AP5Z1: variants seen among roughly 807,000 people sequenced by gnomAD.
AP5Z1 encodes the protein adaptor related protein complex 5 subunit zeta 1.
In AP5Z1, 106 loss-of-function variants were observed where a neutral mutation model predicts 83.0. The ratio of observed to expected loss-of-function variants is 1.28; its 90% CI spans 1.09 to 1.50. The LOEUF is 1.50. Among genes scored for constraint, AP5Z1 ranks in the 40% most tolerant of loss-of-function variants. The probability of loss-of-function intolerance (pLI) is 0.00; values close to 1 mark genes in which losing one functional copy is unlikely to be tolerated. For synonymous variants in AP5Z1, 751 were observed against 514.1 expected (o/e 1.46, Z -6.23); for missense variants, 1,565 against 1,094.2 (o/e 1.43, Z -6.07).
In AP5Z1 at chr7:4,775,659, C is replaced by T. The variant is rs1008740869; in HGVS notation, c.-57C>T. ...GGAAGTTGACCGGGGTGCGGAGCTC[C>T]TGGGCTGCAGCTCCTGGAGTTTCCG... On this transcript the variant is annotated 5_prime_UTR_variant, in exon 1 of 17. Coordinates refer to ENST00000649063, the MANE Select transcript of AP5Z1 (RefSeq NM_014855.3). 1.6e-5 allele frequency: 26 copies of T among 1,601,940 alleles called. No homozygotes were observed. In the African/African-American group the frequency reaches 2.1e-4, roughly 13 times the overall value.
chr7:4,793,613 C>CCT lies in AP5Z1; in HGVS notation c.*2228_*2229insCT, dbSNP rs61623336. 0.089 allele frequency: 13,563 copies of CCT among 152,314 alleles called. 747 individuals carry two copies. The highest frequency in any genetic ancestry group is 0.19 in the South Asian group (898 of 4,834). The allele number at this position is 152,314 out of a possible 1,614,324, so 9.4% of individuals were successfully genotyped here. On this transcript the variant is annotated 3_prime_UTR_variant, in exon 17 of 17. Coordinates refer to ENST00000649063, the MANE Select transcript of AP5Z1 (RefSeq NM_014855.3). ...GGGTGGGCGTGGGCTCTGTGGGCCC[C>CCT]GCACTCGGAGCCGCCGGCTAGCCCC...
At position 4,788,850 on chromosome 7, in the gene AP5Z1, C is replaced by G. The variant is rs762360022; in HGVS notation, c.1606C>G (p.Leu536Val). ...ACACTGTGTCCTCAGGTTGGCGCCA[C>G]TCCACCAGCTGCTGCAGCCCATGGC... ...ASGATERLAP[L>V]HQLLQPMAGC... is the part of the protein sequence containing the mutation. Residue 536 changes from leucine to valine, a missense_variant, in exon 13 of 17, where the codon CTC becomes GTC. Leu to Val is a conservative substitution (Grantham distance 32). Transcript: ENST00000649063. The G allele has an allele frequency of 2.5e-6, 4 of 1,606,878 alleles. No homozygotes were observed. The African/African-American group carries it at 5.3e-5, about 21-fold the overall frequency.
intron 11 of AP5Z1, 60 bp from the exon 12 acceptor site, chr7:4,788,094 G>A: frequency 6.8e-7 from 1 of 1,462,018 alleles, no homozygotes; most frequent in South Asian, 1.4e-5. Flanking sequence ...CTCCCTGACG[G>A]GGGTGCCCTT....
intron 6 of AP5Z1, 85 bp downstream of exon 6, chr7:4,784,456 G>A (rs909616329): frequency 2.8e-6 from 4 of 1,440,046 alleles, no homozygotes; most frequent in Non-Finnish European, 3.7e-6. Flanking sequence ...GGGCGGAGGT[G>A]GGGGGACTCG....
intron 1 of AP5Z1, among the ~76,000 whole-genome samples, chr7:4,779,352 G>A (rs1354273734): frequency 7.2e-6 from 1 of 139,666 alleles, no homozygotes; most frequent in African/African-American, 2.9e-5. Flanking sequence ...CATATAACAT[G>A]TTATATATCA....
rs886379275 is a variant in AP5Z1, at chr7:4,791,712, G to A, written c.*327G>A. On this transcript the variant is annotated 3_prime_UTR_variant, in exon 17 of 17. Transcript: ENST00000649063. ...CCTAGTCTTTTGTTTTTGGACAGTT[G>A]ATGGGCAAGAAGAGCTGCAGTAAAA... The A allele has an allele frequency of 9.5e-6, 4 of 419,104 alleles. No homozygotes were observed. The highest frequency in any genetic ancestry group is 8.0e-5 in the African/African-American group (4 of 50,228). 26.0% of individuals were successfully genotyped at this position (419,104 alleles called of 1,614,324 possible).
At position 4,777,124 on chromosome 7, in the gene AP5Z1, C is replaced by T. The variant is rs1781249675; in HGVS notation, c.41+1368C>T. 2.0e-5 allele frequency among the ~76,000 whole-genome samples: 3 copies of T among 152,154 alleles called. No individual in the cohort carries two copies. The South Asian group carries it at 6.2e-4, about 32-fold the overall frequency. On this transcript the variant is annotated intron_variant, in intron 1 of 16. Coordinates refer to ENST00000649063, the MANE Select transcript of AP5Z1 (RefSeq NM_014855.3). ...CTTGGTGAATATGCAGCACCATCTC[C>T]CAGCAGCTCAACATAGGCAACCTTC...
Position 4,786,291 on chromosome 7 carries a change from C to G in AP5Z1, c.1174C>G (p.Leu392Val). Residue 392 changes from leucine to valine, a missense_variant, in exon 10 of 17, where the codon CTG becomes GTG. Physicochemically the swap from Leu to Val is conservative, Grantham distance 32. Coordinates refer to ENST00000649063, the MANE Select transcript of AP5Z1 (RefSeq NM_014855.3). ...GGACTCGGAAGCCGTCTACCAGCAC[C>G]TGTTCACCAGGATCCCGGTGGAGCA... ...AVDSEAVYQH[L>V]FTRIPVEQFH... The G allele has an allele frequency of 6.2e-7, 1 of 1,613,420 alleles. No homozygotes were observed. Among genetic ancestry groups the G allele is most frequent in the Non-Finnish European group, 8.5e-7 (1 of 1,179,604 alleles).
chr7:4,787,799 G>A, intron 11 of AP5Z1, 23 bp downstream of exon 11: 2 of 1,513,446 alleles, frequency 1.3e-6, no homozygotes, highest in Non-Finnish European at 1.8e-6. Context: ...CCCTCTGCCA[G>A]CGCTGCGTCT....
chr7:4,779,040 A>G (rs1467804307), intron 1 of AP5Z1, among the ~76,000 whole-genome samples: 3 of 145,440 alleles, frequency 2.1e-5, no homozygotes, highest in African/African-American at 7.5e-5. Context: ...CAAAAAATAT[A>G]TATATAGATA....
chr7:4,786,938 T>G (rs1400652356), intron 10 of AP5Z1, among the ~76,000 whole-genome samples: 1 of 151,990 alleles, frequency 6.6e-6, no homozygotes, highest in East Asian at 2.0e-4. Context: ...GTCCAGCTAA[T>G]TTTTGGTATT....
intron 1 of AP5Z1, among the ~76,000 whole-genome samples, chr7:4,776,492 G>T (rs1461075911): frequency 6.6e-6 from 1 of 151,610 alleles, no homozygotes; most frequent in Non-Finnish European, 1.5e-5. Flanking sequence ...CAAGGCAGGC[G>T]GATCACCTGA....
intron 3 of AP5Z1, 80 bp downstream of exon 3, chr7:4,781,834 A>T: frequency 7.1e-7 from 1 of 1,417,602 alleles, no homozygotes; most frequent in South Asian, 1.6e-5. Flanking sequence ...CAGGGGCGCC[A>T]GAGCCGGCAG....
chr7:4,788,388 C>T (rs931389101), intron 12 of AP5Z1, 94 bp downstream of exon 12: 2 of 1,389,876 alleles, frequency 1.4e-6, no homozygotes, highest in African/African-American at 2.9e-5. Context: ...TAGGCTGAGG[C>T]CAGGGTGCTT....
rs911757798 is a variant in AP5Z1, at chr7:4,775,664, C to G, written c.-52C>G. 4 of 1,603,338 alleles carry G rather than the reference C, an allele frequency of 2.5e-6. No homozygotes were observed. Among genetic ancestry groups the G allele is most frequent in the Non-Finnish European group, 3.4e-6 (4 of 1,178,980 alleles). ...TTGACCGGGGTGCGGAGCTCCTGGG[C>G]TGCAGCTCCTGGAGTTTCCGAGGTT... On this transcript the variant is annotated 5_prime_UTR_variant, in exon 1 of 17. Transcript: ENST00000649063.
chr7:4,787,688 G>T lies in AP5Z1; in HGVS notation c.1366G>T (p.Ala456Ser). 1 of 1,552,620 alleles carries T rather than the reference G, an allele frequency of 6.4e-7. No individual in the cohort carries two copies. The stretch of plus-strand genomic sequence containing the variant: ...CTCCGAGTTTGTGGCGCTCCTCCCG[G>T]CCCTGGTGGACGCTGGCACAGCCCT... ...LTSEFVALLP[A>S]LVDAGTALEM... The change falls in exon 11 of 17, where the codon GCC (alanine) becomes TCC (serine). Residue 456 changes from alanine (A) to serine (S), a missense_variant. Transcript: ENST00000649063.
chr7:4,791,462 A>T lies in AP5Z1; in HGVS notation c.*77A>T. 16 of 1,494,848 alleles carry T rather than the reference A, an allele frequency of 1.1e-5. No individual in the cohort carries two copies. The highest frequency in any genetic ancestry group is 1.3e-5 in the Non-Finnish European group (15 of 1,116,264). The allele number at this position is 1,494,848 out of a possible 1,614,324, so 92.6% of individuals were successfully genotyped here. ...TTGCTACTGAGGCCAGGCTGATAGG[A>T]GCTCAGGAGGGCGCGGGAGTCCTGG... On this transcript the variant is annotated 3_prime_UTR_variant, in exon 17 of 17. Transcript: ENST00000649063.
intron 3 of AP5Z1, among the ~76,000 whole-genome samples, chr7:4,782,909 G>A (rs1246591377): frequency 1.3e-5 from 2 of 152,208 alleles, no homozygotes; most frequent in East Asian, 1.9e-4. Flanking sequence ...CCCTGCCCCT[G>A]TGCTGGGTGT....
rs1425856323 is a variant in AP5Z1 at position 4,782,764 on chromosome 7, G to A, written c.367-552G>A. 2.7e-5 allele frequency among the ~76,000 whole-genome samples: 4 copies of A among 150,662 alleles called. No individual in the cohort carries two copies. In the East Asian group the frequency reaches 5.9e-4, roughly 22 times the overall value. On this transcript the variant is annotated intron_variant, in intron 3 of 16. Transcript: ENST00000649063. ...CCGGCTCTTCTTGTTTGTTTCACCC[G>A]CCCTTCTCCTCAAGCAACTCATTTT...
Sources: allele counts gnomAD v4.1 joint callset (sites outside exome capture counted in the v4.1 genomes callset), GRCh38; gene constraint gnomAD v4.1.1; transcripts MANE v1.5; gene names NCBI Gene and HGNC (gene_info 2026-07-23, HGNC 2026-07-21).